XKRX: variants seen among roughly 807,000 people sequenced by gnomAD.
The protein encoded by XKRX is XK-related protein 2.
Under a neutral mutation model 22.4 loss-of-function variants are expected in XKRX, and 11 were observed. That is an observed-to-expected ratio of 0.49 (90% CI 0.31 to 0.81). XKRX has a LOEUF of 0.81. XKRX is among the 40% of genes least tolerant of loss of function. The pLI is 0.05. For synonymous variants in XKRX, 114 were observed against 132.2 expected (o/e 0.86, Z 0.94); for missense variants, 320 against 336.5 (o/e 0.95, Z 0.38).
chrX:100,932,113 T>C (rs952502524), upstream of XKRX, among the ~76,000 whole-genome samples: 1 of 111,360 alleles, frequency 9.0e-6, no homozygotes, highest in Non-Finnish European at 1.9e-5. Flanking sequence ...ACCCACCAAC[T>C]TCTCTATTTT....
intron 1 of XKRX, among the ~76,000 whole-genome samples, chrX:100,923,906 A>G (rs1389271360): frequency 1.0e-5 from 1 of 97,783 alleles, no homozygotes; most frequent in Admixed American, 1.2e-4. Context: ...GCGCGATCTC[A>G]GCTCACTGTA....
In XKRX at chrX:100,928,844, G is replaced by C; in HGVS notation, c.-540C>G. On this transcript the variant is annotated 5_prime_UTR_variant, in exon 1 of 3. Coordinates refer to ENST00000372956, the MANE Select transcript of XKRX (RefSeq NM_212559.3). ...GGCAGAAGAGGGGATTCAGTTCAGT[G>C]CCTAGGTATCCTAGCTATTGCTAGG... The C allele has an allele frequency of 1.3e-6, 1 of 755,435 alleles. No homozygotes were observed. Among genetic ancestry groups the C allele is most frequent in the Non-Finnish European group, 1.6e-6 (1 of 640,214 alleles). The allele number at this position is 755,435 out of a possible 1,213,427, so 62.3% of individuals were successfully genotyped here.
Position 100,914,826 on chromosome X carries a change from A to C in XKRX, c.862T>G (p.Phe288Val). ...GGCATCTGGGCACCACTTCTCCAGA[A>C]CTTAATCCAGGGCTCAAAGAGGATG... ...LIILFEPWIK[F>V]WRSGAQMPNN... is the part of the protein sequence containing the mutation. Residue 288 changes from phenylalanine to valine, a missense_variant, in exon 3 of 3, where the codon TTC (phenylalanine) becomes GTC (valine). Physicochemically the swap from Phe to Val is conservative, Grantham distance 50. Coordinates refer to ENST00000372956, the MANE Select transcript of XKRX (RefSeq NM_212559.3). 8.3e-7 allele frequency: 1 copy of C among 1,211,815 alleles called. No individual in the cohort carries two copies. The highest frequency in any genetic ancestry group is 1.1e-6 in the Non-Finnish European group (1 of 895,583).
the XKRX span, among the ~76,000 whole-genome samples, chrX:100,889,239 CAAA>C: frequency 1.9e-5 from 1 of 53,253 alleles, no homozygotes; most frequent in Non-Finnish European, 3.4e-5. Context: ...GACTCTATCT[CAAA>C]AAAAAAAAAA....
At chrX:100,923,723 G>A (rs1257305529) in intron 1 of XKRX, among the ~76,000 whole-genome samples, 2 of 111,424 alleles carry the variant, frequency 1.8e-5, no homozygotes, top group Non-Finnish European at 3.8e-5. Context: ...AAATAATGAA[G>A]GTTCCAAAGG....
At chrX:100,948,372 CAG>C in the XKRX span, among the ~76,000 whole-genome samples, 2 of 111,439 alleles carry the variant, frequency 1.8e-5, no homozygotes, top group Non-Finnish European at 3.8e-5. Flanking sequence ...TAAAATAAAA[CAG>C]AAAACCTTGA....
At chrX:100,905,159 T>C in the XKRX span, among the ~76,000 whole-genome samples, 6 of 112,101 alleles carry the variant, frequency 5.4e-5, no homozygotes, top group African/African-American at 1.6e-4. Flanking sequence ...TTTGTCTTAG[T>C]AGCTGTGTGA....
At chrX:100,910,948 G>C (rs2085404994), downstream of XKRX, 4 of 557,852 alleles carry the variant, frequency 7.2e-6, no homozygotes, top group Non-Finnish European at 1.3e-5. Flanking sequence ...ATAATGAAAA[G>C]ACTCCACGGG....
At chrX:100,933,077 G>A (rs1310708876), upstream of XKRX, among the ~76,000 whole-genome samples, 1 of 109,918 alleles carries the variant, frequency 9.1e-6, no homozygotes, top group Non-Finnish European at 1.9e-5. Context: ...GCTGAAGTGG[G>A]GAGGATCGCT....
chrX:100,944,269 C>T, the XKRX span, among the ~76,000 whole-genome samples: 1 of 112,087 alleles, frequency 8.9e-6, no homozygotes, highest in Admixed American at 9.5e-5. Flanking sequence ...AAAAGGGTGG[C>T]ATGATGGACA....
At chrX:100,938,091 G>T in the XKRX span, among the ~76,000 whole-genome samples, 16 of 111,798 alleles carry the variant, frequency 1.4e-4, no homozygotes, top group Non-Finnish European at 1.1e-4. Context: ...AATTTTAAAA[G>T]AAAAAAGTAG....
intron 2 of XKRX, among the ~76,000 whole-genome samples, chrX:100,917,634 G>GAAGAAAGAAAGAAAGAAAGAAAGAAAGA (rs745405207): frequency 8.2e-5 from 4 of 49,034 alleles, no homozygotes; most frequent in African/African-American, 4.4e-4. Flanking sequence ...GAGAAAGAAA[G>GAAGAAAGAAAGAAAGAAAGAAAGAAAGA]AAGAAAGAAA....
the XKRX span, chrX:100,888,375 T>C: frequency 2.6e-6 from 2 of 768,242 alleles, no homozygotes; most frequent in African/African-American, 2.1e-5. Context: ...GGCCTTGCAT[T>C]CGTGGCTGCA....
chrX:100,955,444 G>A, the XKRX span, among the ~76,000 whole-genome samples: 311 of 111,654 alleles, frequency 2.8e-3, 2 homozygotes, highest in African/African-American at 9.3e-3. Context: ...AGGCCGAGGC[G>A]GGTGGATCAT....
At chrX:100,949,578 G>C in the XKRX span, among the ~76,000 whole-genome samples, 7 of 109,971 alleles carry the variant, frequency 6.4e-5, no homozygotes, top group Admixed American at 6.8e-4. Context: ...ATGTTGGCCA[G>C]GCTGGTCTCA....
chrX:100,918,709 T>C (rs1016951735), intron 2 of XKRX, among the ~76,000 whole-genome samples: 1 of 111,828 alleles, frequency 8.9e-6, no homozygotes, highest in African/African-American at 3.2e-5. Context: ...TAAATAAACA[T>C]TTACATGTAA....
the XKRX span, among the ~76,000 whole-genome samples, chrX:100,945,180 G>C: frequency 9.3e-6 from 1 of 107,501 alleles, no homozygotes; most frequent in African/African-American, 3.4e-5. Flanking sequence ...CTGGGCTCAG[G>C]TGATCCTCCT....
chrX:100,916,967 A>C (rs2085439332), intron 2 of XKRX, among the ~76,000 whole-genome samples: 1 of 111,569 alleles, frequency 9.0e-6, no homozygotes, highest in South Asian at 3.8e-4. Flanking sequence ...AAAAATACAA[A>C]TATTAGTCAG....
the XKRX span, among the ~76,000 whole-genome samples, chrX:100,948,455 G>C: frequency 9.0e-6 from 1 of 111,522 alleles, no homozygotes; most frequent in African/African-American, 3.3e-5. Flanking sequence ...AGAGACCTTA[G>C]GACCTAAAGA....
Sources: allele counts gnomAD v4.1 joint callset (sites outside exome capture counted in the v4.1 genomes callset), GRCh38; gene constraint gnomAD v4.1.1; transcripts MANE v1.5; gene names NCBI Gene and HGNC (gene_info 2026-07-23, HGNC 2026-07-21).